The following HIC1 variants were observed in gnomAD, a reference collection of about 807,000 sequenced individuals.
The protein encoded by HIC1 is HIC ZBTB transcriptional repressor 1.
A neutral mutation model predicts 26.4 loss-of-function variants in HIC1; 9 were observed. That is an observed-to-expected ratio of 0.34 (90% CI 0.21 to 0.59). HIC1 has a LOEUF of 0.59. Among genes scored for constraint, HIC1 ranks in the 20% least tolerant of loss-of-function variants. HIC1 has a pLI of 0.82. For synonymous variants in HIC1, 631 were observed against 523.1 expected (o/e 1.21, Z -2.81); for missense variants, 965 against 1,075.7 (o/e 0.90, Z 1.44).
In HIC1 at chr17:2,059,048, G is replaced by A. The variant is rs932877183; in HGVS notation, c.*213G>A. 1 of 481,052 alleles carries A rather than the reference G, an allele frequency of 2.1e-6. No individual in the cohort carries two copies. The highest frequency in any genetic ancestry group is 4.4e-5 in the Admixed American group (1 of 22,784). 29.8% of individuals were successfully genotyped at this position (481,052 alleles called of 1,614,324 possible). A position where few individuals can be genotyped will look rare whatever the true frequency, so the allele number is the denominator to read the frequency against. On this transcript the variant is annotated 3_prime_UTR_variant, in exon 2 of 2. Transcript: ENST00000619757. ...AACCCCGGGACGGGGGTGGGATGGG[G>A]TAAGGGAAATTTATATTTTTGATAT...
In HIC1 at chr17:2,057,749, C is replaced by T. The variant is rs1418151135; in HGVS notation, c.1059C>T (p.Leu353=). 6.6e-6 allele frequency: 9 copies of T among 1,367,792 alleles called. No individual in the cohort carries two copies. The highest frequency in any genetic ancestry group is 8.4e-6 in the Non-Finnish European group (9 of 1,070,052). The allele number at this position is 1,367,792 out of a possible 1,614,324, so 84.7% of individuals were successfully genotyped here. A position where few individuals can be genotyped will look rare whatever the true frequency, so the allele number is the denominator to read the frequency against. Residue 353 remains leucine, a synonymous_variant, in exon 2 of 2, where the codon CTC becomes CTT. Transcript: ENST00000619757. ...DAAVSPGGPP[L]GLAPPPRYPG... ...CCGTCTCGCCCGGGGGGCCCCCGCT[C>T]GGCCTGGCGCCGCCGCCGCGCTACC...
chr17:2,056,740 A>G lies in HIC1; in HGVS notation c.50A>G (p.Gln17Arg), dbSNP rs775944925. ...GGCCACTCCAGGCAGCTGCTGCTGC[A>G]GCTCAACAACCAGCGCACCAAGGGC... is the stretch of plus-strand genomic sequence containing the variant. Reference protein sequence around the residue: ...APGHSRQLLLQLNNQRTKGFL... With the variant: ...APGHSRQLLLRLNNQRTKGFL... The change falls in exon 2 of 2, where the codon CAG (glutamine) becomes CGG (arginine). Residue 17 changes from glutamine (Q) to arginine (R), a missense_variant. Coordinates refer to ENST00000619757, the MANE Select transcript of HIC1 (RefSeq NM_006497.4). The G allele has an allele frequency of 6.2e-7, 1 of 1,611,118 alleles. No individual in the cohort carries two copies. Among genetic ancestry groups the G allele is most frequent in the East Asian group, 2.2e-5 (1 of 44,810 alleles).
chr17:2,061,033 T>A lies in HIC1; in HGVS notation c.*2198T>A, dbSNP rs988475098. 1 of 160,438 alleles carries A rather than the reference T, an allele frequency of 6.2e-6. No individual in the cohort carries two copies. Among genetic ancestry groups the A allele is most frequent in the African/African-American group, 2.4e-5 (1 of 41,574 alleles). The allele number at this position is 160,438 out of a possible 1,614,324, so 9.9% of individuals were successfully genotyped here. A position where few individuals can be genotyped will look rare whatever the true frequency, so the allele number is the denominator to read the frequency against. ...TCTTCCTGACTTAACCAAAGCCTCTTGAACACATTCACGACAGAGGTTCTG... is the reference window on the plus strand; with the variant it reads ...TCTTCCTGACTTAACCAAAGCCTCTAGAACACATTCACGACAGAGGTTCTG... On this transcript the variant is annotated 3_prime_UTR_variant, in exon 2 of 2. Transcript: ENST00000619757.
Position 2,057,033 on chromosome 17 carries a change from A to C in HIC1, c.343A>C (p.Ser115Arg). Residue 115 changes from serine (S) to arginine (R), a missense_variant, in exon 2 of 2, where the codon AGC becomes CGC. Physicochemically the swap from Ser to Arg is moderately radical, Grantham distance 110. This residue lies in a region of HIC1 where 526 missense variants were observed against 525.0 expected (regional missense o/e 1.00). Coordinates refer to ENST00000619757, the MANE Select transcript of HIC1 (RefSeq NM_006497.4). ...CCTGGGCGCCGTGCTGGCCGCCGCC[A>C]GCTACCTGCAGATCCCCGACCTCGT... ...PSLGAVLAAASYLQIPDLVAL... is the reference protein window; with the variant it reads ...PSLGAVLAAARYLQIPDLVAL... 6.7e-7 allele frequency: 1 copy of C among 1,489,838 alleles called. No individual in the cohort carries two copies. The highest frequency in any genetic ancestry group is 8.9e-7 in the Non-Finnish European group (1 of 1,124,956). The allele number at this position is 1,489,838 out of a possible 1,614,324, so 92.3% of individuals were successfully genotyped here.
Position 2,058,596 on chromosome 17 carries a change from C to G in HIC1, c.1906C>G (p.Leu636Val), listed in dbSNP as rs530936134. The G allele has an allele frequency of 4.3e-5, 67 of 1,552,256 alleles. No individual in the cohort carries two copies. The highest frequency in any genetic ancestry group is 5.5e-5 in the Non-Finnish European group (64 of 1,157,448). Residue 636 changes from leucine (L) to valine (V), a missense_variant, in exon 2 of 2, where the codon CTC becomes GTC. Around this residue, in one of 6 missense-constraint regions of HIC1, gnomAD observed 210 missense variants for 179.2 expected, o/e 1.17. Coordinates refer to ENST00000619757, the MANE Select transcript of HIC1 (RefSeq NM_006497.4). ...FPEGVFAVAR[L>V]TAEQLSLKQQ... Reference sequence around the variant, plus strand: ...CGAGGGCGTCTTTGCTGTGGCTCGCCTCACGGCCGAGCAGCTGAGCCTGAA... The same window carrying G: ...CGAGGGCGTCTTTGCTGTGGCTCGCGTCACGGCCGAGCAGCTGAGCCTGAA...
At position 2,058,861 on chromosome 17, in the gene HIC1, C is replaced by A; in HGVS notation, c.*26C>A. On this transcript the variant is annotated 3_prime_UTR_variant, in exon 2 of 2. Transcript: ENST00000619757. ...AGCGCCCCTCGCCAGCCCGCTCTGTCGCTGCTGCGCGGCCCTGGCCCGCAC... is the reference window on the plus strand; with the variant it reads ...AGCGCCCCTCGCCAGCCCGCTCTGTAGCTGCTGCGCGGCCCTGGCCCGCAC... 2 of 1,410,678 alleles carry A rather than the reference C, an allele frequency of 1.4e-6. No homozygotes were observed. The highest frequency in any genetic ancestry group is 1.6e-5 in the South Asian group (1 of 64,114). The allele number at this position is 1,410,678 out of a possible 1,614,324, so 87.4% of individuals were successfully genotyped here.
chr17:2,061,435 G>C lies in HIC1; in HGVS notation c.*2600G>C. The stretch of plus-strand genomic sequence containing the variant: ...GTGGGCATCTTCCGTGCTACACTGG[G>C]CGCCTGGTGGCCTTTCAGGAACGGT... On this transcript the variant is annotated 3_prime_UTR_variant, in exon 2 of 2. Transcript: ENST00000619757. 7 of 1,513,790 alleles carry C rather than the reference G, an allele frequency of 4.6e-6. No individual in the cohort carries two copies. The highest frequency in any genetic ancestry group is 6.2e-6 in the Non-Finnish European group (7 of 1,127,230). 93.8% of individuals were successfully genotyped at this position (1,513,790 alleles called of 1,614,324 possible).
At position 2,056,822 on chromosome 17, in the gene HIC1, C is replaced by T. The variant is rs1202030685; in HGVS notation, c.132C>T (p.Asn44=). 11 of 1,612,682 alleles carry T rather than the reference C, an allele frequency of 6.8e-6. 1 individual carries two copies. The highest frequency in any genetic ancestry group is 2.2e-5 in the South Asian group (2 of 91,088). ...ACGCCCTCTTCCGCGCGCACAAGAA[C>T]GTGCTGGCGGCCAGCAGCGCCTACC... The part of the protein sequence containing the change: ...VQNALFRAHK[N]VLAASSAYLK... Residue 44 remains asparagine (N), a synonymous_variant, in exon 2 of 2, where the codon AAC becomes AAT. Coordinates refer to ENST00000619757, the MANE Select transcript of HIC1 (RefSeq NM_006497.4).
At position 2,061,764 on chromosome 17, in the gene HIC1, G is replaced by A. The variant is rs895016597; in HGVS notation, c.*2929G>A. On this transcript the variant is annotated 3_prime_UTR_variant, in exon 2 of 2. Transcript: ENST00000619757. Reference sequence around the variant, plus strand: ...GGCTCTTCTACCAGTCCTTTCCTCCGTCCGGGCTCTCAGCCCCGGGGACCC... The same window carrying A: ...GGCTCTTCTACCAGTCCTTTCCTCCATCCGGGCTCTCAGCCCCGGGGACCC... The A allele has an allele frequency of 7.1e-6, 7 of 985,208 alleles. No individual in the cohort carries two copies. The highest frequency in any genetic ancestry group is 6.8e-5 in the Admixed American group (3 of 43,836). 61.0% of individuals were successfully genotyped at this position (985,208 alleles called of 1,614,324 possible).
In HIC1 at chr17:2,059,074, C is replaced by G. The variant is rs891389457; in HGVS notation, c.*239C>G. The G allele has an allele frequency of 4.4e-5, 20 of 455,698 alleles. No individual in the cohort carries two copies. The highest frequency in any genetic ancestry group is 6.7e-5 in the Non-Finnish European group (17 of 253,266). 28.2% of individuals were successfully genotyped at this position (455,698 alleles called of 1,614,324 possible). A position where few individuals can be genotyped will look rare whatever the true frequency, so the allele number is the denominator to read the frequency against. ...TAAGGGAAATTTATATTTTTGATAT[C>G]AGCTTTGACCAAAGGAGACCCCAGG... On this transcript the variant is annotated 3_prime_UTR_variant, in exon 2 of 2. Transcript: ENST00000619757.
At position 2,058,682 on chromosome 17, in the gene HIC1, C is replaced by T. The variant is rs2067700809; in HGVS notation, c.1992C>T (p.Asp664=). 1 of 1,555,714 alleles carries T rather than the reference C, an allele frequency of 6.4e-7. No homozygotes were observed. Among genetic ancestry groups the T allele is most frequent in the Non-Finnish European group, 8.7e-7 (1 of 1,155,800 alleles). ...LLAQTTHFLH[D]PKVALESLYP... ...CGCAGACCACGCACTTCCTGCACGA[C>T]CCCAAGGTGGCGCTGGAGAGCCTCT... The change falls in exon 2 of 2, where the codon GAC becomes GAT. Residue 664 remains aspartate, a synonymous_variant. Transcript: ENST00000619757.
chr17:2,056,543 G>A (rs1157845823), intron 1 of HIC1, 128 bp from the exon 2 acceptor site: 3 of 1,394,330 alleles, frequency 2.2e-6, no homozygotes, highest in Non-Finnish European at 2.9e-6. Flanking sequence ...CTTCGCCGGT[G>A]CCCAGGCCGC....
rs868532213 is a variant in HIC1, at chr17:2,055,754, G to A, written c.-21+516G>A. 2.0e-5 allele frequency among the ~76,000 whole-genome samples: 3 copies of A among 151,776 alleles called. No homozygotes were observed. The highest frequency in any genetic ancestry group is 4.8e-5 in the African/African-American group (2 of 41,400). On this transcript the variant is annotated intron_variant, in intron 1 of 1. Coordinates refer to ENST00000619757, the MANE Select transcript of HIC1 (RefSeq NM_006497.4). This position sits in a 1 kb window ranked among gnomAD's most constrained non-coding sequence, Gnocchi z 6.4. ...TTTGGGGGCCGCGAGGAAGAGCTGC[G>A]AGCCGAGGGCCTGGGGCCGGCGCAC...
rs370184800 is a variant in HIC1, at chr17:2,058,427, C to T, written c.1737C>T (p.Gly579=). 1 of 1,605,542 alleles carries T rather than the reference C, an allele frequency of 6.2e-7. No homozygotes were observed. Among genetic ancestry groups the T allele is most frequent in the Admixed American group, 1.7e-5 (1 of 59,442 alleles). Residue 579 remains glycine (G), a synonymous_variant, in exon 2 of 2, where the codon GGC becomes GGT. Coordinates refer to ENST00000619757, the MANE Select transcript of HIC1 (RefSeq NM_006497.4). ...EKPYECQVCG[G]KFAQQRNLIS... ...CCTACGAGTGCCAGGTGTGCGGCGG[C>T]AAGTTCGCACAGCAACGCAACCTCA...
rs1481491486 is a variant in HIC1 at position 2,058,764 on chromosome 17, G to A, written c.2074G>A (p.Val692Met). 6.6e-7 allele frequency: 1 copy of A among 1,523,812 alleles called. No homozygotes were observed. The highest frequency in any genetic ancestry group is 8.8e-7 in the Non-Finnish European group (1 of 1,140,554). 94.4% of individuals were successfully genotyped at this position (1,523,812 alleles called of 1,614,324 possible). A position where few individuals can be genotyped will look rare whatever the true frequency, so the allele number is the denominator to read the frequency against. The change falls in exon 2 of 2, where the codon GTG becomes ATG. Residue 692 changes from valine (V) to methionine (M), a missense_variant. By Grantham distance (21) the Val-to-Met change is conservative. This residue lies in a region of HIC1 where 210 missense variants were observed against 179.2 expected (regional missense o/e 1.17). Transcript: ENST00000619757. ...LGLSPDKAAE[V>M]LSQGAHLAAG... is the part of the protein sequence containing the mutation. Reference sequence around the variant, plus strand: ...CCTCAGCCCCGACAAGGCGGCCGAGGTGCTGAGCCAGGGCGCTCACCTGGC... The same window carrying A: ...CCTCAGCCCCGACAAGGCGGCCGAGATGCTGAGCCAGGGCGCTCACCTGGC...
In HIC1 at chr17:2,057,235, C is replaced by T. The variant is rs1467802380; in HGVS notation, c.545C>T (p.Ala182Val). The T allele has an allele frequency of 2.8e-6, 4 of 1,421,226 alleles. No individual in the cohort carries two copies. Among genetic ancestry groups the T allele is most frequent in the East Asian group, 3.2e-5 (1 of 31,592 alleles). 88.0% of individuals were successfully genotyped at this position (1,421,226 alleles called of 1,614,324 possible). The change falls in exon 2 of 2, where the codon GCG becomes GTG. Residue 182 changes from alanine (A) to valine (V), a missense_variant. Physicochemically the swap from Ala to Val is moderately conservative, Grantham distance 64 (BLOSUM62 0). This residue lies in a region of HIC1 where 526 missense variants were observed against 525.0 expected (regional missense o/e 1.00). Transcript: ENST00000619757. Reference sequence around the variant, plus strand: ...GTCGGGCCTCCGCCGCCGCCTGCCGCGGAGCCGCCCTCGGGCCCAGAGGCC... The same window carrying T: ...GTCGGGCCTCCGCCGCCGCCTGCCGTGGAGCCGCCCTCGGGCCCAGAGGCC... ...SPVGPPPPPA[A>V]EPPSGPEAAV...
In HIC1 at chr17:2,058,494, G is replaced by A. The variant is rs1393550030; in HGVS notation, c.1804G>A (p.Ala602Thr). Reference sequence around the variant, plus strand: ...GCACGCCGTGGGGGGCGCGGCCGGCGCGGCCGGGGCGCTGGCGGGCTTGGG... The same window carrying A: ...GCACGCCGTGGGGGGCGCGGCCGGCACGGCCGGGGCGCTGGCGGGCTTGGG... Reference protein sequence around the residue: ...KMHAVGGAAGAAGALAGLGGL... With the variant: ...KMHAVGGAAGTAGALAGLGGL... The change falls in exon 2 of 2, where the codon GCG (alanine) becomes ACG (threonine). Residue 602 changes from alanine (A) to threonine (T), a missense_variant. Ala to Thr is a moderately conservative substitution (Grantham distance 58). This residue lies in a region of HIC1 where 210 missense variants were observed against 179.2 expected (regional missense o/e 1.17). Transcript: ENST00000619757. 4 of 1,471,604 alleles carry A rather than the reference G, an allele frequency of 2.7e-6. No homozygotes were observed. The allele number at this position is 1,471,604 out of a possible 1,614,324, so 91.2% of individuals were successfully genotyped here.
At position 2,061,565 on chromosome 17, in the gene HIC1, C is replaced by T. The variant is rs369323853; in HGVS notation, c.*2730C>T. 43 of 1,572,476 alleles carry T rather than the reference C, an allele frequency of 2.7e-5. No homozygotes were observed. The highest frequency in any genetic ancestry group is 1.4e-4 in the East Asian group (6 of 42,404). ...AACATTCCTTGTGAGCGCCTTCACA[C>T]GCAGGTTCCGGTCATCCGTCAACAG... On this transcript the variant is annotated 3_prime_UTR_variant, in exon 2 of 2. Transcript: ENST00000619757.
chr17:2,061,191 G>T lies in HIC1; in HGVS notation c.*2356G>T, dbSNP rs1040408984. The T allele has an allele frequency of 3.2e-6, 1 of 312,218 alleles. No homozygotes were observed. 19.3% of individuals were successfully genotyped at this position (312,218 alleles called of 1,614,324 possible). ...CAGCCTTGGAATGAGACGGGGGAGGGAGAAAGGCTGAGAGCATGGGCGGCC... is the reference window on the plus strand; with the variant it reads ...CAGCCTTGGAATGAGACGGGGGAGGTAGAAAGGCTGAGAGCATGGGCGGCC... On this transcript the variant is annotated 3_prime_UTR_variant, in exon 2 of 2. Coordinates refer to ENST00000619757, the MANE Select transcript of HIC1 (RefSeq NM_006497.4).
Sources: gnomAD v4.1 joint callset for allele counts (sites outside exome capture counted in the v4.1 genomes callset) on GRCh38, gnomAD v4.1.1 for gene constraint, gnomAD v4.1.1 regional missense constraint, Gnocchi (gnomAD v3.1) non-coding constraint, MANE v1.5 for transcripts, NCBI Gene and HGNC (gene_info 2026-07-23, HGNC 2026-07-21) for gene names.